The following FAM118B variants were observed in gnomAD, a reference collection of about 807,000 sequenced individuals.
FAM118B encodes protein FAM118B.
FAM118B carries 24 observed loss-of-function variants against 38.5 expected under a neutral mutation model. The observed-to-expected ratio is 0.62, with a 90% confidence interval of 0.45 to 0.88. The LOEUF is 0.88. Ranked by LOEUF, FAM118B falls within the 40% of genes least tolerant of loss-of-function variation. FAM118B has a pLI of 0.00. For synonymous variants in FAM118B, 138 were observed against 156.3 expected (o/e 0.88, Z 0.87); for missense variants, 334 against 420.0 (o/e 0.80, Z 1.79).
intron 3 of FAM118B, among the ~76,000 whole-genome samples, chr11:126,238,956 A>T (rs1591515452): frequency 1.4e-5 from 2 of 146,424 alleles, no homozygotes. Flanking sequence ...TAAATGTTTT[A>T]TTTTTAAGTG....
At chr11:126,225,778 G>A (rs1950132194) in intron 1 of FAM118B, among the ~76,000 whole-genome samples, 1 of 152,110 alleles carries the variant, frequency 6.6e-6, no homozygotes, top group Non-Finnish European at 1.5e-5. Flanking sequence ...TCAGGAGTTC[G>A]AGACCAGCCT....
chr11:126,260,134 G>A (rs938814216), intron 7 of FAM118B, among the ~76,000 whole-genome samples: 16 of 152,052 alleles, frequency 1.1e-4, no homozygotes, highest in Non-Finnish European at 2.1e-4. Flanking sequence ...CCGGGCTCAG[G>A]CGATCCTCCC....
At chr11:126,248,564 G>T (rs901638325) in intron 4 of FAM118B, among the ~76,000 whole-genome samples, 2 of 151,780 alleles carry the variant, frequency 1.3e-5, no homozygotes, top group Non-Finnish European at 1.5e-5. Flanking sequence ...GAGAGATGGG[G>T]TTTCACCATG....
chr11:126,238,722 T>C (rs1950314193), intron 3 of FAM118B, among the ~76,000 whole-genome samples: 1 of 152,180 alleles, frequency 6.6e-6, no homozygotes. Context: ...TCTCCTATTT[T>C]AGCCCCACCA....
At position 126,255,463 on chromosome 11, in the gene FAM118B, T is replaced by C. The variant is rs1346010329; in HGVS notation, c.696+1030T>C. On this transcript the variant is annotated intron_variant, in intron 6 of 8. Transcript: ENST00000533050. The surrounding 1 kb of genome is among the most constrained non-coding windows in gnomAD (Gnocchi z 4.6). The stretch of plus-strand genomic sequence containing the variant: ...ATTGAGTGATCCCTTAGGCAGTCAT[T>C]TCTGTGTTTTTGTGTGTGTATATGT... 6.6e-6 allele frequency among the ~76,000 whole-genome samples: 1 copy of C among 152,202 alleles called. No homozygotes were observed. Among genetic ancestry groups the C allele is most frequent in the Non-Finnish European group, 1.5e-5 (1 of 68,038 alleles).
intron 5 of FAM118B, among the ~76,000 whole-genome samples, chr11:126,254,033 A>C (rs767059222): frequency 6.6e-6 from 1 of 152,290 alleles, no homozygotes; most frequent in South Asian, 2.1e-4. Context: ...CACCAGTGCA[A>C]AGGGTCCCTG....
chr11:126,216,560 G>C (rs80139314), intron 1 of FAM118B, among the ~76,000 whole-genome samples: 4,587 of 152,180 alleles, frequency 0.03, 233 homozygotes, highest in African/African-American at 0.1. Flanking sequence ...TTTCTATGGC[G>C]TTTTTCTGGT....
chr11:126,254,519 T>C (rs1950548617), intron 6 of FAM118B, 86 bp downstream of exon 6: 2 of 1,536,606 alleles, frequency 1.3e-6, no homozygotes, highest in Admixed American at 1.8e-5. Flanking sequence ...GGGGAACATC[T>C]TCTTTTCATT....
At chr11:126,225,534 T>C (rs915581694) in intron 1 of FAM118B, among the ~76,000 whole-genome samples, 12 of 152,228 alleles carry the variant, frequency 7.9e-5, no homozygotes, top group Admixed American at 7.9e-4. Flanking sequence ...CCACAGCTAA[T>C]CCTTTCCCAT....
chr11:126,254,299 G>A lies in FAM118B; in HGVS notation c.568-6G>A. On this transcript the variant is annotated splice_region_variant and splice_polypyrimidine_tract_variant and intron_variant, in intron 5 of 8. Coordinates refer to ENST00000533050, the MANE Select transcript of FAM118B (RefSeq NM_024556.4). The stretch of plus-strand genomic sequence containing the variant: ...AAGCTGGTTGGGCTATATGTGTGTT[G>A]TGCAGGTCCTCGAGTGGGCTCAGGA... The A allele has an allele frequency of 6.2e-7, 1 of 1,613,518 alleles. No individual in the cohort carries two copies. The highest frequency in any genetic ancestry group is 8.5e-7 in the Non-Finnish European group (1 of 1,179,602).
At chr11:126,259,707 G>C (rs1346694234) in intron 7 of FAM118B, among the ~76,000 whole-genome samples, 5 of 150,588 alleles carry the variant, frequency 3.3e-5, no homozygotes, top group Admixed American at 6.6e-5. Flanking sequence ...TTACAGGCGT[G>C]AGCCACCATG....
At chr11:126,227,680 T>C (rs182994651) in intron 1 of FAM118B, among the ~76,000 whole-genome samples, 3 of 152,350 alleles carry the variant, frequency 2.0e-5, no homozygotes, top group Admixed American at 2.0e-4. Flanking sequence ...TTGGATTCCA[T>C]GCTCACAATG....
intron 4 of FAM118B, 91 bp downstream of exon 4, chr11:126,241,135 C>A: frequency 4.6e-6 from 6 of 1,294,390 alleles, no homozygotes; most frequent in Non-Finnish European, 6.4e-6. Context: ...ACTAGCATGC[C>A]AAATGTAACA....
chr11:126,256,995 G>A lies in FAM118B; in HGVS notation c.982+143G>A. On this transcript the variant is annotated intron_variant, in intron 7 of 8. Coordinates refer to ENST00000533050, the MANE Select transcript of FAM118B (RefSeq NM_024556.4). The surrounding 1 kb of genome is among the most constrained non-coding windows in gnomAD (Gnocchi z 6.6). Reference sequence around the variant, plus strand: ...ATTGTAAAGGAGGCCACAGTCTTCAGGTTAGACTAAAGTGCCACTTGGATT... The same window carrying A: ...ATTGTAAAGGAGGCCACAGTCTTCAAGTTAGACTAAAGTGCCACTTGGATT... The A allele has an allele frequency of 2.4e-6, 2 of 823,176 alleles. No homozygotes were observed. The highest frequency in any genetic ancestry group is 3.8e-6 in the Non-Finnish European group (2 of 523,838). 51.0% of individuals were successfully genotyped at this position (823,176 alleles called of 1,614,324 possible). A position where few individuals can be genotyped will look rare whatever the true frequency, so the allele number is the denominator to read the frequency against.
chr11:126,216,291 G>A (rs1443992493), intron 1 of FAM118B, among the ~76,000 whole-genome samples: 1 of 151,982 alleles, frequency 6.6e-6, no homozygotes, highest in African/African-American at 2.4e-5. Flanking sequence ...TAGGAGAATC[G>A]CTGGAACTGG....
chr11:126,230,068 C>T (rs1314018735), intron 2 of FAM118B, among the ~76,000 whole-genome samples: 1 of 152,138 alleles, frequency 6.6e-6, no homozygotes, highest in Non-Finnish European at 1.5e-5. Flanking sequence ...TCGAGTTCAC[C>T]ATAGATGAAA....
chr11:126,239,264 A>G (rs1429556611), intron 3 of FAM118B, among the ~76,000 whole-genome samples: 1 of 152,168 alleles, frequency 6.6e-6, no homozygotes, highest in African/African-American at 2.4e-5. Flanking sequence ...CACTTAGCCA[A>G]ATTGGAAGTC....
chr11:126,240,777 G>A lies in FAM118B; in HGVS notation c.87-15G>A. ...ATTGGATATTCCAATCCTCTCATTTGTTTTGCTTTTATAGGAAGCTGCTTC... is the reference window on the plus strand; with the variant it reads ...ATTGGATATTCCAATCCTCTCATTTATTTTGCTTTTATAGGAAGCTGCTTC... On this transcript the variant is annotated splice_polypyrimidine_tract_variant and intron_variant, in intron 3 of 8. Coordinates refer to ENST00000533050, the MANE Select transcript of FAM118B (RefSeq NM_024556.4). The A allele has an allele frequency of 1.4e-5, 22 of 1,594,122 alleles. No individual in the cohort carries two copies. The highest frequency in any genetic ancestry group is 1.9e-5 in the Non-Finnish European group (22 of 1,170,562).
At position 126,250,490 on chromosome 11, in the gene FAM118B, T is replaced by A. The variant is rs1054491059; in HGVS notation, c.340-16T>A. On this transcript the variant is annotated splice_polypyrimidine_tract_variant and intron_variant, in intron 4 of 8. Coordinates refer to ENST00000533050, the MANE Select transcript of FAM118B (RefSeq NM_024556.4). This position sits in a 1 kb window ranked among gnomAD's most constrained non-coding sequence, Gnocchi z 5.1. ...AGCACTTTGGACTAATTTTCTTTTT[T>A]CAAATCCCTCCTCAGCGTACCAGTA... 1.9e-6 allele frequency: 3 copies of A among 1,592,226 alleles called. No homozygotes were observed. The highest frequency in any genetic ancestry group is 2.2e-5 in the South Asian group (2 of 89,886).
Sources: gnomAD v4.1 joint callset for allele counts (sites outside exome capture counted in the v4.1 genomes callset) on GRCh38, gnomAD v4.1.1 for gene constraint, Gnocchi (gnomAD v3.1) non-coding constraint, MANE v1.5 for transcripts, NCBI Gene and HGNC (gene_info 2026-07-23, HGNC 2026-07-21) for gene names.